The following MTMR7 variants were observed in gnomAD, a reference collection of about 807,000 sequenced individuals.
MTMR7 encodes the protein phosphatidylinositol-3-phosphate phosphatase MTMR7.
A neutral mutation model predicts 81.2 loss-of-function variants in MTMR7; 76 were observed. The observed-to-expected ratio is 0.94, with a 90% CI of 0.78 to 1.13. The LOEUF (loss-of-function observed/expected upper bound fraction) is 1.13, where lower values mean the gene tolerates loss of function less well. MTMR7 is among the 50% of genes most tolerant of loss of function. The pLI, the probability that MTMR7 is intolerant of heterozygous loss-of-function variation, is 0.00. For synonymous variants in MTMR7, 372 were observed against 289.8 expected (o/e 1.28, Z -2.88); for missense variants, 1,044 against 820.0 (o/e 1.27, Z -3.34).
chr8:17,361,032 C>T, intron 4 of MTMR7, 85 bp downstream of exon 4: 1 of 1,454,366 alleles, frequency 6.9e-7, no homozygotes. Flanking sequence ...GCTATAAAAC[C>T]TGAAGGAGAT....
Position 17,373,104 on chromosome 8 carries a change from T to G in MTMR7, c.147+14A>C. ...AACGCAAAACAAGGAAAGCTAAAAA[T>G]AAAGAAAGCATACCCATGTTTCTTT... On this transcript the variant is annotated intron_variant, in intron 2 of 13. Coordinates refer to ENST00000180173, the MANE Select transcript of MTMR7 (RefSeq NM_004686.5). 6.2e-7 allele frequency: 1 copy of G among 1,610,146 alleles called. No individual in the cohort carries two copies. The highest frequency in any genetic ancestry group is 8.5e-7 in the Non-Finnish European group (1 of 1,178,870).
intron 5 of MTMR7, among the ~76,000 whole-genome samples, chr8:17,346,994 A>G (rs557278318): frequency 4.6e-5 from 7 of 151,970 alleles, no homozygotes; most frequent in African/African-American, 1.7e-4. Context: ...CAGGAGCTCA[A>G]GACCAGCCTG....
chr8:17,400,187 C>T (rs573858322), intron 1 of MTMR7, among the ~76,000 whole-genome samples: 2 of 152,164 alleles, frequency 1.3e-5, no homozygotes, highest in Non-Finnish European at 2.9e-5. Flanking sequence ...AACAATAGTA[C>T]CGATAGTACT....
intron 1 of MTMR7, among the ~76,000 whole-genome samples, chr8:17,410,757 C>T (rs7828799): frequency 0.024 from 3,629 of 152,284 alleles, 125 homozygotes; most frequent in African/African-American, 0.073. Context: ...GAGACTAAAG[C>T]AGAACACAGA....
rs1469912285 is a variant in MTMR7 at position 17,404,529 on chromosome 8, T to C, written c.24+8740A>G. On this transcript the variant is annotated intron_variant, in intron 1 of 13. Transcript: ENST00000180173. ...TTGTATTGCTCTTGTTACAAACAAT[T>C]GCAAAAAATAAATTCAATCTCAACA... 2.7e-5 allele frequency among the ~76,000 whole-genome samples: 4 copies of C among 149,674 alleles called. No individual in the cohort carries two copies. The East Asian group carries it at 7.8e-4, about 29-fold the overall frequency.
intron 7 of MTMR7, among the ~76,000 whole-genome samples, chr8:17,326,106 A>C (rs369039436): frequency 1.2e-4 from 19 of 152,314 alleles, no homozygotes; most frequent in African/African-American, 4.3e-4. Context: ...ACCCAAACCT[A>C]GGACTTCACA....
At chr8:17,373,059 A>C in intron 2 of MTMR7, 59 bp downstream of exon 2, 1 of 1,595,482 alleles carries the variant, frequency 6.3e-7, no homozygotes, top group Non-Finnish European at 8.6e-7. Flanking sequence ...AATGGAGGGC[A>C]AACACTTTTT....
chr8:17,331,455 C>T lies in MTMR7; in HGVS notation c.733-173G>A, dbSNP rs1294301671. Among the ~76,000 whole-genome samples, 2 of 152,186 alleles carry T rather than the reference C, an allele frequency of 1.3e-5. 1 individual carries two copies. Among genetic ancestry groups the T allele is most frequent in the Non-Finnish European group, 2.9e-5 (2 of 68,040 alleles). ...ACTGAACTACATAGCTTCAGGGACT[C>T]CTGCTGAGCTTATATTCAACAGCAT... On this transcript the variant is annotated intron_variant, in intron 6 of 13. Transcript: ENST00000180173.
chr8:17,398,114 A>T (rs1451811943), intron 1 of MTMR7, among the ~76,000 whole-genome samples: 1 of 152,058 alleles, frequency 6.6e-6, no homozygotes, highest in Non-Finnish European at 1.5e-5. Context: ...GACTACAATA[A>T]ATACCTAACT....
chr8:17,348,969 T>A lies in MTMR7; in HGVS notation c.581A>T (p.Tyr194Phe), dbSNP rs778859183. The change falls in exon 5 of 14, where the codon TAT becomes TTT. Residue 194 changes from tyrosine to phenylalanine, a missense_variant. Tyr to Phe is a conservative substitution (Grantham distance 22). Transcript: ENST00000180173. ...SRRRFPVLSY[Y>F]YKDNHASICR... Reference sequence around the variant, plus strand: ...GAGACTTACGTGGTTATCTTTATAATAGTAAGAAAGGACAGGAAATCGCCG... The same window carrying A: ...GAGACTTACGTGGTTATCTTTATAAAAGTAAGAAAGGACAGGAAATCGCCG... The A allele has an allele frequency of 1.9e-6, 3 of 1,613,422 alleles. No homozygotes were observed. The highest frequency in any genetic ancestry group is 4.5e-5 in the East Asian group (2 of 44,874).
intron 1 of MTMR7, among the ~76,000 whole-genome samples, chr8:17,388,985 A>G (rs1393696142): frequency 6.6e-6 from 1 of 152,186 alleles, no homozygotes; most frequent in African/African-American, 2.4e-5. Flanking sequence ...AAATGAGTAT[A>G]AAGCAGAATG....
chr8:17,397,508 C>G (rs1425766140), intron 1 of MTMR7, among the ~76,000 whole-genome samples: 1 of 152,164 alleles, frequency 6.6e-6, no homozygotes, highest in African/African-American at 2.4e-5. Flanking sequence ...GAGGGAAGAG[C>G]AGGACAGACT....
chr8:17,323,008 T>C (rs1288706981), intron 7 of MTMR7, among the ~76,000 whole-genome samples: 1 of 146,152 alleles, frequency 6.8e-6, no homozygotes, highest in East Asian at 2.1e-4. Flanking sequence ...AGTGCAGTGG[T>C]GTGATCTCGG....
rs529441993 is a variant in MTMR7 at position 17,331,408 on chromosome 8, A to G, written c.733-126T>C. Reference sequence around the variant, plus strand: ...TGATGTACGGAAACATAATACGCTTATTTGAATCACTGCAACCTTGTACTG... The same window carrying G: ...TGATGTACGGAAACATAATACGCTTGTTTGAATCACTGCAACCTTGTACTG... On this transcript the variant is annotated intron_variant, in intron 6 of 13. Coordinates refer to ENST00000180173, the MANE Select transcript of MTMR7 (RefSeq NM_004686.5). 3.0e-6 allele frequency: 3 copies of G among 987,780 alleles called. No homozygotes were observed. In the African/African-American group the frequency reaches 5.0e-5, roughly 16 times the overall value. 61.2% of individuals were successfully genotyped at this position (987,780 alleles called of 1,614,324 possible).
At chr8:17,406,118 C>G (rs538122319) in intron 1 of MTMR7, among the ~76,000 whole-genome samples, 12 of 152,022 alleles carry the variant, frequency 7.9e-5, no homozygotes, top group African/African-American at 2.9e-4. Flanking sequence ...AGATATGACA[C>G]AAAAAGCACA....
intron 1 of MTMR7, among the ~76,000 whole-genome samples, chr8:17,389,372 T>C (rs890592873): frequency 1.3e-5 from 2 of 152,174 alleles, no homozygotes; most frequent in Non-Finnish European, 2.9e-5. Flanking sequence ...TGCAGCACAA[T>C]GAACAATGCT....
Position 17,408,280 on chromosome 8 carries a change from T to A in MTMR7, c.24+4989A>T, listed in dbSNP as rs1821646645. 1.8e-5 allele frequency among the ~76,000 whole-genome samples: 2 copies of A among 112,600 alleles called. 1 individual carries two copies. The highest frequency in any genetic ancestry group is 4.2e-5 in the Non-Finnish European group (2 of 47,882). 73.9% of individuals were successfully genotyped at this position (112,600 alleles called of 152,430 possible). On this transcript the variant is annotated intron_variant, in intron 1 of 13. Coordinates refer to ENST00000180173, the MANE Select transcript of MTMR7 (RefSeq NM_004686.5). ...GGCGGGCGCCTGTAGTCCCACCTAC[T>A]TGGGAGGCTGAGGCAGGAGAATGGC...
At chr8:17,368,096 G>A (rs1041651773) in intron 3 of MTMR7, among the ~76,000 whole-genome samples, 1 of 152,000 alleles carries the variant, frequency 6.6e-6, no homozygotes, top group Non-Finnish European at 1.5e-5. Context: ...TGTGGGGTTG[G>A]GGGATAGTTT....
chr8:17,363,038 C>T (rs1563358688), intron 3 of MTMR7, among the ~76,000 whole-genome samples: 1 of 152,224 alleles, frequency 6.6e-6, no homozygotes, highest in Non-Finnish European at 1.5e-5. Flanking sequence ...AACTTCAAAA[C>T]TTAGAGTACG....
Sources: gnomAD v4.1 joint callset for allele counts (sites outside exome capture counted in the v4.1 genomes callset) on GRCh38, gnomAD v4.1.1 for gene constraint, MANE v1.5 for transcripts, NCBI Gene and HGNC (gene_info 2026-07-23, HGNC 2026-07-21) for gene names.